The following PBX1 variants were observed in gnomAD, a reference collection of about 807,000 sequenced individuals.
The protein encoded by PBX1 is pre-B-cell leukemia transcription factor 1.
PBX1 carries 6 observed loss-of-function variants against 53.4 expected under a neutral mutation model. The observed-to-expected ratio is 0.11, with a 90% CI of 0.06 to 0.22. The LOEUF (loss-of-function observed/expected upper bound fraction) is 0.22, where lower values mean the gene tolerates loss of function less well. Among genes scored for constraint, PBX1 ranks in the 10% least tolerant of loss-of-function variants. The pLI is 1.00. For missense variants in PBX1, 251 were observed against 551.4 expected (o/e 0.46, Z 5.46); for synonymous variants, 204 against 212.3 (o/e 0.96, Z 0.34).
chr1:164,837,505 C>T (rs1248086352), intron 8 of PBX1, among the ~76,000 whole-genome samples: 2 of 152,070 alleles, frequency 1.3e-5, no homozygotes, highest in African/African-American at 4.8e-5. Context: ...ATCAGCTCTA[C>T]GTGAATATAA....
intron 2 of PBX1, among the ~76,000 whole-genome samples, chr1:164,690,495 C>T (rs769189450): frequency 3.6e-4 from 55 of 151,966 alleles, no homozygotes; most frequent in Non-Finnish European, 2.4e-4. Flanking sequence ...ATTGTTCGGG[C>T]GCAGTGGCTC....
At chr1:164,879,630 G>A (rs761894765) in intron 2 of PBX1, among the ~76,000 whole-genome samples, 13 of 152,098 alleles carry the variant, frequency 8.5e-5, no homozygotes, top group Admixed American at 2.6e-4. Flanking sequence ...GCACTGGATG[G>A]GATCACCAAG....
At chr1:164,632,370 G>A (rs561197881) in intron 2 of PBX1, among the ~76,000 whole-genome samples, 5 of 152,244 alleles carry the variant, frequency 3.3e-5, no homozygotes, top group African/African-American at 1.2e-4. Flanking sequence ...AGGAATTAAA[G>A]TCGCAGATAT....
chr1:164,833,358 C>T (rs76321789), intron 8 of PBX1, among the ~76,000 whole-genome samples: 1 of 152,096 alleles, frequency 6.6e-6, no homozygotes, highest in South Asian at 2.1e-4. Context: ...AAGTGGCTAG[C>T]GTTATAAAAT....
intron 2 of PBX1, among the ~76,000 whole-genome samples, chr1:164,617,014 C>T (rs1188410514): frequency 6.6e-6 from 1 of 152,158 alleles, no homozygotes; most frequent in Non-Finnish European, 1.5e-5. Context: ...ATTTTATTAC[C>T]TCTTGACTAT....
intron 2 of PBX1, among the ~76,000 whole-genome samples, chr1:164,634,830 A>G (rs1029290828): frequency 6.6e-5 from 10 of 152,122 alleles, no homozygotes; most frequent in Non-Finnish European, 1.2e-4. Flanking sequence ...GAAAGACCCC[A>G]AATTTTGAGG....
At chr1:164,629,268 T>C (rs931893716) in intron 2 of PBX1, among the ~76,000 whole-genome samples, 4 of 152,112 alleles carry the variant, frequency 2.6e-5, no homozygotes, top group Non-Finnish European at 2.9e-5. Context: ...TTGAGTTAAA[T>C]ATGGAGCTTT....
intron 2 of PBX1, among the ~76,000 whole-genome samples, chr1:164,858,368 G>A (rs1244498436): frequency 6.6e-6 from 1 of 151,876 alleles, no homozygotes; most frequent in Non-Finnish European, 1.5e-5. Flanking sequence ...AAGAGTAGAT[G>A]AACACCTCCA....
chr1:164,718,957 A>G (rs1213225976), intron 2 of PBX1, among the ~76,000 whole-genome samples: 1 of 152,106 alleles, frequency 6.6e-6, no homozygotes, highest in Non-Finnish European at 1.5e-5. Flanking sequence ...GTTGAATCAC[A>G]CTCAGCTTTA....
At chr1:164,586,946 T>C (rs1191092500) in intron 2 of PBX1, among the ~76,000 whole-genome samples, 1 of 152,094 alleles carries the variant, frequency 6.6e-6, no homozygotes, top group Non-Finnish European at 1.5e-5. Context: ...ACCAGGATTT[T>C]ATATGGAGAA....
chr1:164,637,666 T>A (rs1486103294), intron 2 of PBX1, among the ~76,000 whole-genome samples: 1 of 152,176 alleles, frequency 6.6e-6, no homozygotes, highest in Non-Finnish European at 1.5e-5. Flanking sequence ...AAGTTTGCCC[T>A]CAGTGAGGAG....
At chr1:164,826,755 G>C (rs1272542439) in intron 8 of PBX1, among the ~76,000 whole-genome samples, 1 of 152,098 alleles carries the variant, frequency 6.6e-6, no homozygotes, top group African/African-American at 2.4e-5. Flanking sequence ...ATTTACTCCA[G>C]CCAGTCTTTG....
Position 164,848,430 on chromosome 1 carries a change from T to C in PBX1, c.*1754T>C, listed in dbSNP as rs1019533707. The C allele has an allele frequency of 9.5e-7, 1 of 1,056,140 alleles. No homozygotes were observed. Among genetic ancestry groups the C allele is most frequent in the African/African-American group, 1.6e-5 (1 of 60,672 alleles). 65.4% of individuals were successfully genotyped at this position (1,056,140 alleles called of 1,614,324 possible). A position where few individuals can be genotyped will look rare whatever the true frequency, so the allele number is the denominator to read the frequency against. On this transcript the variant is annotated 3_prime_UTR_variant, in exon 9 of 9. Coordinates refer to ENST00000420696, the MANE Select transcript of PBX1 (RefSeq NM_002585.4). ...GACTGAGAAGTTGATTTTGTTCATA[T>C]CCAATCTGTAAATGCGAAGTCAGGG...
rs139680846 is a variant in PBX1 at position 164,792,478 on chromosome 1, C to CTT, written c.266-15_266-14insTT. ...TGGGTTACTATTAACGCTCCCTTCC[C>CTT]TGTCTTTTTCTGTAGTTTTGAGTAT... On this transcript the variant is annotated splice_polypyrimidine_tract_variant and intron_variant, in intron 2 of 8. Coordinates refer to ENST00000420696, the MANE Select transcript of PBX1 (RefSeq NM_002585.4). 10,164 of 1,613,508 alleles carry CTT rather than the reference C, an allele frequency of 6.3e-3. 553 individuals are homozygous for CTT. The African/African-American group carries it at 0.12, about 19-fold the overall frequency.
At position 164,749,540 on chromosome 1, in the gene PBX1, G is replaced by A. The variant is rs184028695; in HGVS notation, c.266-42954G>A. ...ATAGTGAAATAAAGTCCATATTCAG[G>A]TATTTGATTTGGAGTTGCTGGAGAT... On this transcript the variant is annotated intron_variant, in intron 2 of 8. Coordinates refer to ENST00000420696, the MANE Select transcript of PBX1 (RefSeq NM_002585.4). 2.6e-5 allele frequency among the ~76,000 whole-genome samples: 4 copies of A among 152,204 alleles called. No individual in the cohort carries two copies. In the East Asian group the frequency reaches 7.7e-4, roughly 29 times the overall value.
intron 2 of PBX1, among the ~76,000 whole-genome samples, chr1:164,581,508 G>A (rs976832707): frequency 2.0e-5 from 3 of 152,146 alleles, no homozygotes; most frequent in Non-Finnish European, 4.4e-5. Context: ...TTACAGGCAT[G>A]AGCCACCGCA....
chr1:164,625,289 CAAAG>C (rs781325020), intron 2 of PBX1, among the ~76,000 whole-genome samples: 2 of 152,114 alleles, frequency 1.3e-5, no homozygotes, highest in East Asian at 3.9e-4. Context: ...GTTACAGAGA[CAAAG>C]AAAGTTAGTG....
intron 2 of PBX1, among the ~76,000 whole-genome samples, chr1:164,612,091 A>G (rs952835613): frequency 1.3e-5 from 2 of 152,168 alleles, no homozygotes; most frequent in Non-Finnish European, 2.9e-5. Flanking sequence ...GAAATGAACC[A>G]TGGCACAGTA....
At position 164,821,722 on chromosome 1, in the gene PBX1, C is replaced by T. The variant is rs1021576599; in HGVS notation, c.1200+96C>T. ...GGGCCCAGAATGCCACTTAGTAGGG[C>T]TTATCTTAGCTTTACGGTCACCTAG... On this transcript the variant is annotated intron_variant, in intron 8 of 8. Coordinates refer to ENST00000420696, the MANE Select transcript of PBX1 (RefSeq NM_002585.4). The T allele has an allele frequency of 4.1e-5, 35 of 851,376 alleles. No homozygotes were observed. The African/African-American group carries it at 4.3e-4, about 11-fold the overall frequency. 52.7% of individuals were successfully genotyped at this position (851,376 alleles called of 1,614,324 possible).
Sources: allele counts gnomAD v4.1 joint callset (sites outside exome capture counted in the v4.1 genomes callset), GRCh38; gene constraint gnomAD v4.1.1; transcripts MANE v1.5; gene names NCBI Gene and HGNC (gene_info 2026-07-23, HGNC 2026-07-21).